Variants in CDC42BPG observed in about 807,000 individuals in gnomAD.
The protein encoded by CDC42BPG is serine/threonine-protein kinase MRCK gamma.
CDC42BPG carries 157 observed loss-of-function variants against 192.2 expected under a neutral mutation model. That is an observed-to-expected ratio of 0.82 (90% CI 0.72 to 0.93). The LOEUF (loss-of-function observed/expected upper bound fraction) is 0.93. Ranked by LOEUF, CDC42BPG falls within the 40% of genes least tolerant of loss-of-function variation. CDC42BPG has a pLI of 0.00. For missense variants in CDC42BPG, 1,992 were observed against 2,122.1 expected (o/e 0.94, Z 1.20); for synonymous variants, 981 against 918.5 (o/e 1.07, Z -1.23).
Position 64,827,271 on chromosome 11 carries a change from C to G in CDC42BPG, c.4271+7G>C, listed in dbSNP as rs759781378. The G allele has an allele frequency of 6.2e-7, 1 of 1,613,412 alleles. No individual in the cohort carries two copies. Among genetic ancestry groups the G allele is most frequent in the South Asian group, 1.1e-5 (1 of 91,006 alleles). On this transcript the variant is annotated splice_region_variant and intron_variant, in intron 33 of 36. Transcript: ENST00000342711. ...CCAGCCTCAGCCCCCGCGTCGTGCA[C>G]GCGCACCTGCGCTGCTGCTTCTGCT...
intron 3 of CDC42BPG, 53 bp downstream of exon 3, chr11:64,841,597 T>G: frequency 2.7e-6 from 3 of 1,105,212 alleles, no homozygotes; most frequent in Non-Finnish European, 1.3e-6. Flanking sequence ...AGCATACACC[T>G]CCCCCACACC....
Position 64,834,974 on chromosome 11 carries a change from AGGGG to A in CDC42BPG, c.2061-15_2061-12del, listed in dbSNP as rs1942905963. 1.9e-6 allele frequency: 3 copies of A among 1,613,740 alleles called. No individual in the cohort carries two copies. The Admixed American group carries it at 5.0e-5, about 27-fold the overall frequency. On this transcript the variant is annotated splice_polypyrimidine_tract_variant and intron_variant, in intron 17 of 36. Coordinates refer to ENST00000342711, the MANE Select transcript of CDC42BPG (RefSeq NM_017525.3). ...TTCTCATCATTCACCCTGAATGGGAAGGGGCTCAGGGTCATGGGCTGGGCCCTCA... is the reference window on the plus strand; with the variant it reads ...TTCTCATCATTCACCCTGAATGGGAACTCAGGGTCATGGGCTGGGCCCTCA...
intron 24 of CDC42BPG, 135 bp from the exon 25 acceptor site, chr11:64,833,094 G>T (rs1252494212): frequency 1.5e-6 from 2 of 1,304,420 alleles, no homozygotes; most frequent in Non-Finnish European, 2.1e-6. Context: ...CTCATCAAGT[G>T]AGAAAAGGAA....
At position 64,824,086 on chromosome 11, in the gene CDC42BPG, T is replaced by A; in HGVS notation, c.*387A>T. ...TTGGCCTCAGCTGGGAGTCAGACAGTCCACAGATAAGACCTCCAACCTGTT... is the reference window on the plus strand; with the variant it reads ...TTGGCCTCAGCTGGGAGTCAGACAGACCACAGATAAGACCTCCAACCTGTT... On this transcript the variant is annotated 3_prime_UTR_variant, in exon 37 of 37. Transcript: ENST00000342711. 1 of 281,582 alleles carries A rather than the reference T, an allele frequency of 3.6e-6. No homozygotes were observed. Among genetic ancestry groups the A allele is most frequent in the Non-Finnish European group, 6.9e-6 (1 of 145,924 alleles). The allele number at this position is 281,582 out of a possible 1,614,324, so 17.4% of individuals were successfully genotyped here. A position where few individuals can be genotyped will look rare whatever the true frequency, so the allele number is the denominator to read the frequency against.
chr11:64,838,396 C>T lies in CDC42BPG; in HGVS notation c.1126-234G>A, dbSNP rs536067095. On this transcript the variant is annotated intron_variant, in intron 8 of 36. Coordinates refer to ENST00000342711, the MANE Select transcript of CDC42BPG (RefSeq NM_017525.3). ...AGAATGATACCTGTGGTCAGAGGCC[C>T]TTCCCTTGACACAGCCCACCTCAGT... Among the ~76,000 whole-genome samples the T allele has an allele frequency of 7.9e-5, 12 of 152,312 alleles. No homozygotes were observed. In the East Asian group the frequency reaches 1.9e-3, roughly 25 times the overall value.
chr11:64,834,658 T>C, intron 18 of CDC42BPG, 81 bp from the exon 19 acceptor site: 1 of 1,454,282 alleles, frequency 6.9e-7, no homozygotes, highest in South Asian at 1.4e-5. Flanking sequence ...AGCATCCTGC[T>C]ACCCATGCCA....
Position 64,836,828 on chromosome 11 carries a change from G to A in CDC42BPG, c.1304-9C>T, listed in dbSNP as rs779554333. 1.2e-6 allele frequency: 2 copies of A among 1,610,048 alleles called. No homozygotes were observed. Among genetic ancestry groups the A allele is most frequent in the South Asian group, 1.1e-5 (1 of 90,866 alleles). ...GGGGGCGTGCAGGGCCTCTGGAGGG[G>A]AGGTGGTACCCACAGGTGAGTCCAC... On this transcript the variant is annotated splice_polypyrimidine_tract_variant and intron_variant, in intron 10 of 36. Transcript: ENST00000342711.
chr11:64,839,226 G>A lies in CDC42BPG; in HGVS notation c.683C>T (p.Ser228Leu), dbSNP rs778160940. 3.7e-6 allele frequency: 6 copies of A among 1,613,150 alleles called. No individual in the cohort carries two copies. In the Admixed American group the frequency reaches 1.0e-4, roughly 27 times the overall value. ...LRLNTNGMVD[S>L]SVAVGTPDYI... ...GTCCGGCGTCCCTACTGCCACTGAT[G>A]AATCCACCTGTGGGTGGTGGTGGTG... The change falls in exon 7 of 37, where the codon TCA (serine) becomes TTA (leucine). Residue 228 changes from serine (S) to leucine (L), a missense_variant. Ser to Leu is a moderately radical substitution (Grantham distance 145). Around this residue, in one of 2 missense-constraint regions of CDC42BPG, gnomAD observed 1,656 missense variants for 1,844.3 expected, o/e 0.90. Coordinates refer to ENST00000342711, the MANE Select transcript of CDC42BPG (RefSeq NM_017525.3).
chr11:64,834,940 C>T lies in CDC42BPG; in HGVS notation c.2084G>A (p.Arg695Lys), dbSNP rs1000462747. ...GGTGGCCAGGGCCTGCAGGTAGCCT[C>T]TTGAGACCTTCTCATCATTCACCCT... ...LSWVNDEKVS[R>K]GYLQALATKM... The change falls in exon 18 of 37, where the codon AGA becomes AAA. Residue 695 changes from arginine (R) to lysine (K), a missense_variant. Arg to Lys is a conservative substitution (Grantham distance 26). This residue lies in a region of CDC42BPG where 1,656 missense variants were observed against 1,844.3 expected (regional missense o/e 0.90). Transcript: ENST00000342711. 6 of 1,614,038 alleles carry T rather than the reference C, an allele frequency of 3.7e-6. No homozygotes were observed. The African/African-American group carries it at 6.7e-5, about 18-fold the overall frequency.
intron 11 of CDC42BPG, 86 bp from the exon 12 acceptor site, chr11:64,836,616 A>G (rs1943004117): frequency 7.8e-7 from 1 of 1,289,852 alleles, no homozygotes; most frequent in Non-Finnish European, 1.1e-6. Context: ...TGTTTCCCAC[A>G]CGCGGGCTCA....
In CDC42BPG at chr11:64,823,148, G is replaced by A. The variant is rs557360555; in HGVS notation, c.*1325C>T. 5.6e-4 allele frequency among the ~76,000 whole-genome samples: 84 copies of A among 149,770 alleles called. No individual in the cohort carries two copies. The highest frequency in any genetic ancestry group is 3.5e-3 in the Middle Eastern group (1 of 288). ...GTCACCCAGGCTGGAGTGCAGTGGC[G>A]CGATCTCGGCTCACTGCAAGCTCCG... is the stretch of plus-strand genomic sequence containing the variant. On this transcript the variant is annotated 3_prime_UTR_variant, in exon 37 of 37. Coordinates refer to ENST00000342711, the MANE Select transcript of CDC42BPG (RefSeq NM_017525.3).
chr11:64,844,580 G>A lies in CDC42BPG; in HGVS notation c.-11C>T. On this transcript the variant is annotated 5_prime_UTR_variant, in exon 1 of 37. Transcript: ENST00000342711. ...CAGCCGCCGCTCCATGGCTGCGGCC[G>A]GAGCCTCGCTGCTCGGCTACAGTCT... 3 of 1,262,628 alleles carry A rather than the reference G, an allele frequency of 2.4e-6. No homozygotes were observed. Among genetic ancestry groups the A allele is most frequent in the East Asian group, 3.2e-5 (1 of 30,870 alleles). The allele number at this position is 1,262,628 out of a possible 1,614,324, so 78.2% of individuals were successfully genotyped here. A position where few individuals can be genotyped will look rare whatever the true frequency, so the allele number is the denominator to read the frequency against.
chr11:64,827,572 C>G lies in CDC42BPG; in HGVS notation c.4105G>C (p.Gly1369Arg). The change falls in exon 32 of 37, where the codon GGC becomes CGC. Residue 1369 changes from glycine (G) to arginine (R), a missense_variant. By Grantham distance (125) the Gly-to-Arg change is moderately radical. This residue lies in a region of CDC42BPG where 336 missense variants were observed against 277.9 expected (regional missense o/e 1.21). Transcript: ENST00000342711. ...LNPEGSLFLY[G>R]TEKVRLTYLR... ...TAGGTCAGGCGGACCTTCTCGGTGC[C>G]GTAGAGGAACAGGGAGCCCTCTGGA... 2 of 1,612,526 alleles carry G rather than the reference C, an allele frequency of 1.2e-6. No individual in the cohort carries two copies. Among genetic ancestry groups the G allele is most frequent in the South Asian group, 1.1e-5 (1 of 90,928 alleles).
Position 64,840,665 on chromosome 11 carries a change from G to C in CDC42BPG, c.337-17C>G, listed in dbSNP as rs762070765. ...ACAGGCTGTCTGCAGCAGGTTTGGG[G>C]AAGTAAGGGGTGGGGTGGGATCAGA... On this transcript the variant is annotated splice_polypyrimidine_tract_variant and intron_variant, in intron 3 of 36. Coordinates refer to ENST00000342711, the MANE Select transcript of CDC42BPG (RefSeq NM_017525.3). 5 of 1,612,178 alleles carry C rather than the reference G, an allele frequency of 3.1e-6. No individual in the cohort carries two copies. Among genetic ancestry groups the C allele is most frequent in the Non-Finnish European group, 4.2e-6 (5 of 1,178,886 alleles).
chr11:64,836,716 G>GGA, intron 11 of CDC42BPG, 23 bp downstream of exon 11: 1 of 869,298 alleles, frequency 1.2e-6, no homozygotes. Flanking sequence ...TGGGGGGGGG[G>GGA]GGGGGGTGGG....
In CDC42BPG at chr11:64,824,488, C is replaced by T; in HGVS notation, c.4641G>A (p.Leu1547=). The T allele has an allele frequency of 6.2e-7, 1 of 1,606,252 alleles. No homozygotes were observed. Among genetic ancestry groups the T allele is most frequent in the Non-Finnish European group, 8.5e-7 (1 of 1,172,688 alleles). The change falls in exon 37 of 37, where the codon TTG becomes TTA. Residue 1547 remains leucine (L), a synonymous_variant. Transcript: ENST00000342711. Reference sequence around the variant, plus strand: ...ACAGAGGGCATCAAGGAGAGCTCTCCAATTCAGGGGATAGGGGGAGGCTTC... The same window carrying T: ...ACAGAGGGCATCAAGGAGAGCTCTCTAATTCAGGGGATAGGGGGAGGCTTC... ...RPRSLPLSPE[L]ESSP is the part of the protein sequence containing the mutation.
At position 64,839,205 on chromosome 11, in the gene CDC42BPG, G is replaced by T. The variant is rs753941092; in HGVS notation, c.704C>A (p.Pro235Gln). 1.2e-6 allele frequency: 2 copies of T among 1,613,226 alleles called. No individual in the cohort carries two copies. Among genetic ancestry groups the T allele is most frequent in the South Asian group, 2.2e-5 (2 of 91,088 alleles). ...CAGGATCTCAGGGGAGATATAGTCC[G>T]GCGTCCCTACTGCCACTGATGAATC... ...MVDSSVAVGT[P>Q]DYISPEILQA... Residue 235 changes from proline to glutamine, a missense_variant, in exon 7 of 37, where the codon CCG becomes CAG. By Grantham distance (76) the Pro-to-Gln change is moderately conservative (BLOSUM62 -1). This residue lies in a region of CDC42BPG where 1,656 missense variants were observed against 1,844.3 expected (regional missense o/e 0.90). Coordinates refer to ENST00000342711, the MANE Select transcript of CDC42BPG (RefSeq NM_017525.3).
At position 64,826,722 on chromosome 11, in the gene CDC42BPG, G is replaced by A. The variant is rs778198482; in HGVS notation, c.4462C>T (p.Arg1488Trp). 1.4e-5 allele frequency: 22 copies of A among 1,548,524 alleles called. No individual in the cohort carries two copies. The East Asian group carries it at 2.5e-4, about 18-fold the overall frequency. ...QRPHSFSEALRRPASMGSEGL... is the reference protein window; with the variant it reads ...QRPHSFSEALWRPASMGSEGL... ...TCGCTGCCCATGGAGGCTGGGCGCC[G>A]CAACGCCTCGGAGAAGCTGTGGGGC... The change falls in exon 35 of 37, where the codon CGG (arginine) becomes TGG (tryptophan). Residue 1488 changes from arginine (R) to tryptophan (W), a missense_variant. By Grantham distance (101) the Arg-to-Trp change is moderately radical (BLOSUM62 -3). Coordinates refer to ENST00000342711, the MANE Select transcript of CDC42BPG (RefSeq NM_017525.3).
chr11:64,839,658 G>T, intron 5 of CDC42BPG, 87 bp from the exon 6 acceptor site: 1 of 1,078,600 alleles, frequency 9.3e-7, no homozygotes, highest in Non-Finnish European at 1.4e-6. Context: ...CATGCACGGT[G>T]TGTGCCAGCA....
Sources: allele counts gnomAD v4.1 joint callset (sites outside exome capture counted in the v4.1 genomes callset), GRCh38; gene constraint gnomAD v4.1.1; regional missense constraint gnomAD v4.1.1; transcripts MANE v1.5; gene names NCBI Gene and HGNC (gene_info 2026-07-23, HGNC 2026-07-21).